Variants in JMY observed in about 807,000 individuals in gnomAD.
JMY encodes the protein junction mediating and regulatory protein, p53 cofactor.
A neutral mutation model predicts 103.3 loss-of-function variants in JMY; 46 were observed. The ratio of observed to expected loss-of-function variants is 0.45; its 90% CI spans 0.35 to 0.57. The LOEUF (loss-of-function observed/expected upper bound fraction) is 0.57. Among genes scored for constraint, JMY ranks in the 20% least tolerant of loss-of-function variants. JMY has a pLI of 0.00. For synonymous variants in JMY, 526 were observed against 489.3 expected (o/e 1.07, Z -0.99); for missense variants, 1,238 against 1,255.2 (o/e 0.99, Z 0.21).
At position 79,237,357 on chromosome 5, in the gene JMY, A is replaced by G. The variant is rs758972036; in HGVS notation, c.707A>G (p.Gln236Arg). The change falls in exon 1 of 11, where the codon CAG becomes CGG. Residue 236 changes from glutamine (Q) to arginine (R), a missense_variant. Physicochemically the swap from Gln to Arg is conservative, Grantham distance 43 (BLOSUM62 1). Coordinates refer to ENST00000396137, the MANE Select transcript of JMY (RefSeq NM_152405.5). ...AGCTGGGCCGGACTGTTTTCTTTCC[A>G]GGACCTGCGCGCCGTGCACCAGCAG... ...ECSWAGLFSF[Q>R]DLRAVHQQLC... is the part of the protein sequence containing the mutation. 3 of 1,611,618 alleles carry G rather than the reference A, an allele frequency of 1.9e-6. No individual in the cohort carries two copies. The highest frequency in any genetic ancestry group is 1.7e-5 in the Admixed American group (1 of 59,690).
chr5:79,325,224 T>G lies in JMY; in HGVS notation c.*3622T>G, dbSNP rs1275666700. 1.3e-5 allele frequency: 2 copies of G among 152,192 alleles called. No homozygotes were observed. The highest frequency in any genetic ancestry group is 2.9e-5 in the Non-Finnish European group (2 of 67,998). The allele number at this position is 152,192 out of a possible 1,614,324, so 9.4% of individuals were successfully genotyped here. A position where few individuals can be genotyped will look rare whatever the true frequency, so the allele number is the denominator to read the frequency against. ...TAGGCAAAGCTAAATACAAGGTTTT[T>G]GGGGTTTTCTTTTTTCAGCTTTATT... On this transcript the variant is annotated 3_prime_UTR_variant, in exon 11 of 11. Transcript: ENST00000396137.
intron 2 of JMY, among the ~76,000 whole-genome samples, chr5:79,288,510 C>T (rs1332045433): frequency 2.6e-5 from 4 of 152,112 alleles, no homozygotes; most frequent in African/African-American, 9.7e-5. Flanking sequence ...ACACACTTAA[C>T]CATCTTTAGT....
chr5:79,290,470 A>G (rs1746386713), intron 3 of JMY, among the ~76,000 whole-genome samples, 199 bp downstream of exon 3: 1 of 151,932 alleles, frequency 6.6e-6, no homozygotes, highest in South Asian at 2.1e-4. Flanking sequence ...TATAATTTAA[A>G]TATGAATAGT....
rs1745389412 is a variant in JMY at position 79,260,526 on chromosome 5, A to G, written c.1033-17384A>G. Among the ~76,000 whole-genome samples, 3 of 150,992 alleles carry G rather than the reference A, an allele frequency of 2.0e-5. No homozygotes were observed. In the South Asian group the frequency reaches 6.2e-4, roughly 31 times the overall value. On this transcript the variant is annotated intron_variant, in intron 1 of 10. Coordinates refer to ENST00000396137, the MANE Select transcript of JMY (RefSeq NM_152405.5). ...CTCCTGAGTAGCTGGGAATATGGGC[A>G]TGAACCACCATACCCAGCTGATTTT...
In JMY at chr5:79,312,417, A is replaced by G; in HGVS notation, c.1983A>G (p.Leu661=). 6.4e-7 allele frequency: 1 copy of G among 1,570,098 alleles called. No individual in the cohort carries two copies. The highest frequency in any genetic ancestry group is 8.6e-7 in the Non-Finnish European group (1 of 1,160,184). The change falls in exon 8 of 11, where the codon TTA becomes TTG. Residue 661 remains leucine, a synonymous_variant. Transcript: ENST00000396137. ...TTTTTTACCAGAAGAGAGAAAAATT[A>G]CATGATGAAGAAGAAAGAAAAAGTG... ...HHTVQLKREK[L]HDEEERKSAW... is the part of the protein sequence containing the mutation.
intron 10 of JMY, among the ~76,000 whole-genome samples, chr5:79,318,278 G>C (rs1203521088): frequency 6.6e-6 from 1 of 151,346 alleles, no homozygotes; most frequent in Non-Finnish European, 1.5e-5. Flanking sequence ...GCCTCCCAAA[G>C]TGCTGGGATT....
chr5:79,296,228 A>T (rs1271974303), intron 4 of JMY, among the ~76,000 whole-genome samples: 1 of 152,244 alleles, frequency 6.6e-6, no homozygotes, highest in African/African-American at 2.4e-5. Context: ...ACATTTTTCC[A>T]CAAATGGATT....
In JMY at chr5:79,323,952, C is replaced by CAGAGT. The variant is rs1747546353; in HGVS notation, c.*2352_*2356dup. 1 of 152,168 alleles carries CAGAGT rather than the reference C, an allele frequency of 6.6e-6. No homozygotes were observed. Among genetic ancestry groups the CAGAGT allele is most frequent in the African/African-American group, 2.4e-5 (1 of 41,440 alleles). 9.4% of individuals were successfully genotyped at this position (152,168 alleles called of 1,614,324 possible). A position where few individuals can be genotyped will look rare whatever the true frequency, so the allele number is the denominator to read the frequency against. Reference sequence around the variant, plus strand: ...CACTTGGAAAAGAAGGAGGTTAAAGCAGAGTATTGTTGGCAGCCAGCTATG... The same window carrying CAGAGT: ...CACTTGGAAAAGAAGGAGGTTAAAGCAGAGTAGAGTATTGTTGGCAGCCAGCTATG... On this transcript the variant is annotated 3_prime_UTR_variant, in exon 11 of 11. Transcript: ENST00000396137.
At chr5:79,239,804 C>G (rs1265446371) in intron 1 of JMY, among the ~76,000 whole-genome samples, 1 of 145,160 alleles carries the variant, frequency 6.9e-6, no homozygotes, top group Admixed American at 6.9e-5. Context: ...AGCGAGACTC[C>G]GTCTCAAAAA....
At chr5:79,256,981 T>C (rs1211711015) in intron 1 of JMY, among the ~76,000 whole-genome samples, 1 of 151,696 alleles carries the variant, frequency 6.6e-6, no homozygotes, top group Admixed American at 6.6e-5. Flanking sequence ...CAGTCCTATT[T>C]TTGCTCCATT....
intron 1 of JMY, among the ~76,000 whole-genome samples, chr5:79,239,926 AG>A (rs1259909100): frequency 1.3e-5 from 2 of 152,090 alleles, no homozygotes; most frequent in African/African-American, 4.8e-5. Context: ...CTCTTTAAAA[AG>A]GGGATTACAT....
intron 1 of JMY, among the ~76,000 whole-genome samples, chr5:79,271,532 A>G (rs755952098): frequency 1.3e-4 from 20 of 152,168 alleles, no homozygotes; most frequent in South Asian, 1.0e-3. Flanking sequence ...TTGGAAGGGT[A>G]TAGTTATTGA....
At chr5:79,276,795 C>T (rs1052635394) in intron 1 of JMY, among the ~76,000 whole-genome samples, 18 of 151,758 alleles carry the variant, frequency 1.2e-4, no homozygotes, top group Non-Finnish European at 1.6e-4. Flanking sequence ...TTAGTAGAGA[C>T]GGGGTTTCAC....
At chr5:79,237,913 A>G (rs968576725) in intron 1 of JMY, among the ~76,000 whole-genome samples, 1 of 152,102 alleles carries the variant, frequency 6.6e-6, no homozygotes, top group Non-Finnish European at 1.5e-5. Context: ...TATCAAAAGT[A>G]GTAAGTGCGC....
At chr5:79,280,811 A>T (rs1580351810) in intron 2 of JMY, among the ~76,000 whole-genome samples, 1 of 151,998 alleles carries the variant, frequency 6.6e-6, no homozygotes, top group African/African-American at 2.4e-5. Context: ...TGTAAGTGGT[A>T]GAACTGATAC....
At position 79,237,591 on chromosome 5, in the gene JMY, A is replaced by T; in HGVS notation, c.941A>T (p.Asp314Val). 1 of 1,613,676 alleles carries T rather than the reference A, an allele frequency of 6.2e-7. No individual in the cohort carries two copies. The highest frequency in any genetic ancestry group is 8.5e-7 in the Non-Finnish European group (1 of 1,180,008). ...TCCCAGGTGCTCTTCACCGAGACCG[A>T]TGATCCCGAGGAGTATTACGAAAGC... ...ILSQVLFTET[D>V]DPEEYYESLS... The change falls in exon 1 of 11, where the codon GAT (aspartate) becomes GTT (valine). Residue 314 changes from aspartate to valine, a missense_variant. Transcript: ENST00000396137.
chr5:79,262,527 A>T (rs540444150), intron 1 of JMY, among the ~76,000 whole-genome samples: 9 of 152,352 alleles, frequency 5.9e-5, no homozygotes, highest in African/African-American at 1.9e-4. Flanking sequence ...ACGAAAGTCT[A>T]ATGCTTAGTA....
At chr5:79,251,518 C>A (rs1475570627) in intron 1 of JMY, among the ~76,000 whole-genome samples, 1 of 152,108 alleles carries the variant, frequency 6.6e-6, no homozygotes, top group Non-Finnish European at 1.5e-5. Context: ...GAATCCGTCC[C>A]CTCAAGCATT....
At chr5:79,300,912 AC>A (rs1561310647) in intron 6 of JMY, 49 bp downstream of exon 6, 1 of 1,436,068 alleles carries the variant, frequency 7.0e-7, no homozygotes, top group South Asian at 1.4e-5. Context: ...ATCCGTATCT[AC>A]TAATCTCATC....
Sources: allele counts gnomAD v4.1 joint callset (sites outside exome capture counted in the v4.1 genomes callset), GRCh38; gene constraint gnomAD v4.1.1; transcripts MANE v1.5; gene names NCBI Gene and HGNC (gene_info 2026-07-23, HGNC 2026-07-21).